Variants in TFDP1 observed in about 807,000 individuals in gnomAD.
TFDP1 encodes the protein DRTF1-polypeptide 1.
Under a neutral mutation model 48.0 loss-of-function variants are expected in TFDP1, and 6 were observed. The ratio of observed to expected loss-of-function variants is 0.13; its 90% CI spans 0.07 to 0.25. TFDP1 has a LOEUF of 0.25. TFDP1 is among the 10% of genes least tolerant of loss of function. The probability of loss-of-function intolerance (pLI) is 1.00; values close to 1 mark genes in which losing one functional copy is unlikely to be tolerated. For synonymous variants in TFDP1, 201 were observed against 211.6 expected (o/e 0.95, Z 0.44); for missense variants, 335 against 543.0 (o/e 0.62, Z 3.81).
chr13:113,624,664 GTC>G (rs1191255159), intron 4 of TFDP1, among the ~76,000 whole-genome samples: 2 of 143,158 alleles, frequency 1.4e-5, no homozygotes, highest in Non-Finnish European at 3.0e-5. Flanking sequence ...GTCCTCAGGT[GTC>G]TCTCAGGGTA....
At chr13:113,625,605 T>C (rs199648227) in intron 4 of TFDP1, among the ~76,000 whole-genome samples, 622 of 23,824 alleles carry the variant, frequency 0.026, 12 homozygotes, top group Admixed American at 0.045. Flanking sequence ...CTCACGTGTC[T>C]TCAGGCGTCT....
rs367853230 is a variant in TFDP1, at chr13:113,634,789, G to A, written c.687+187G>A. Among the ~76,000 whole-genome samples, 43 of 94,514 alleles carry A rather than the reference G, an allele frequency of 4.5e-4. 1 individual carries two copies. The highest frequency in any genetic ancestry group is 1.3e-3 in the African/African-American group (31 of 23,708). 62.0% of individuals were successfully genotyped at this position (94,514 alleles called of 152,430 possible). ...TTATTCCCAGAGCGAGGTTGTGCACGTGCGTGTGCATGCATGTGTGTGTGC... is the reference window on the plus strand; with the variant it reads ...TTATTCCCAGAGCGAGGTTGTGCACATGCGTGTGCATGCATGTGTGTGTGC... On this transcript the variant is annotated intron_variant, in intron 8 of 11. Transcript: ENST00000375370.
At chr13:113,631,532 C>T (rs2049336897) in intron 4 of TFDP1, 91 bp from the exon 5 acceptor site, 4 of 1,475,630 alleles carry the variant, frequency 2.7e-6, no homozygotes, top group South Asian at 2.8e-5. Flanking sequence ...GGAAATTCAG[C>T]AGTGGCTGCG....
Position 113,607,299 on chromosome 13 carries a change from G to C in TFDP1, c.13-3697G>C, listed in dbSNP as rs991831142. On this transcript the variant is annotated intron_variant, in intron 2 of 11. Coordinates refer to ENST00000375370, the MANE Select transcript of TFDP1 (RefSeq NM_007111.5). This position sits in a 1 kb window ranked among gnomAD's most constrained non-coding sequence, Gnocchi z 5.2. ...GAAAGGGGCCAGCCGTGAGCTGCGGGTGCTTGCCAGGGATCTGGTGACACC... is the reference window on the plus strand; with the variant it reads ...GAAAGGGGCCAGCCGTGAGCTGCGGCTGCTTGCCAGGGATCTGGTGACACC... Among the ~76,000 whole-genome samples, 1 of 152,262 alleles carries C rather than the reference G, an allele frequency of 6.6e-6. No homozygotes were observed. The highest frequency in any genetic ancestry group is 1.5e-5 in the Non-Finnish European group (1 of 68,038).
chr13:113,628,013 C>G (rs1219892187), intron 4 of TFDP1, among the ~76,000 whole-genome samples: 1 of 149,936 alleles, frequency 6.7e-6, no homozygotes, highest in East Asian at 2.0e-4. Context: ...ATGCTTCCAC[C>G]TGGAGCTGTT....
At chr13:113,632,998 G>C in intron 5 of TFDP1, 122 bp from the exon 6 acceptor site, 1 of 1,223,790 alleles carries the variant, frequency 8.2e-7, no homozygotes, top group Non-Finnish European at 1.1e-6. Flanking sequence ...GATCTGCTGC[G>C]CCCGTGGGAC....
intron 4 of TFDP1, among the ~76,000 whole-genome samples, chr13:113,625,799 C>T (rs1223469487): frequency 7.4e-6 from 1 of 134,412 alleles, no homozygotes; most frequent in African/African-American, 2.8e-5. Flanking sequence ...GCGTCTCTCA[C>T]GTGTCCTCAG....
intron 4 of TFDP1, among the ~76,000 whole-genome samples, chr13:113,628,119 G>A (rs1432244031): frequency 2.6e-5 from 4 of 151,636 alleles, no homozygotes; most frequent in Admixed American, 2.6e-4. Flanking sequence ...TGTAAAGACT[G>A]TGTCTGAAGC....
At chr13:113,626,059 ATGTCCTCAGGTGTCTCTCACG>A (rs2049168051) in intron 4 of TFDP1, among the ~76,000 whole-genome samples, 4 of 48,868 alleles carry the variant, frequency 8.2e-5, no homozygotes, top group African/African-American at 1.3e-4. Context: ...TGTCTCTCAC[ATGTCCTCAGGTGTCTCTCACG>A]TGTCCTCAGG....
chr13:113,621,909 C>T (rs1223493075), intron 3 of TFDP1, among the ~76,000 whole-genome samples: 7 of 152,322 alleles, frequency 4.6e-5, no homozygotes, highest in East Asian at 3.9e-4. Context: ...TCAGTGGTCA[C>T]GCTCCTAGTC....
At chr13:113,587,776 T>G (rs4150688) in intron 2 of TFDP1, among the ~76,000 whole-genome samples, 5,550 of 152,196 alleles carry the variant, frequency 0.036, 321 homozygotes, top group African/African-American at 0.12. Context: ...GCTAACTCTT[T>G]TAAGTAGAGG....
At chr13:113,618,888 AAT>A in intron 3 of TFDP1, among the ~76,000 whole-genome samples, 1 of 152,360 alleles carries the variant, frequency 6.6e-6, no homozygotes, top group South Asian at 2.1e-4. Context: ...CGAGCCATAT[AAT>A]ATTTGTCTGT....
rs771349925 is a variant in TFDP1 at position 113,634,582 on chromosome 13, C to G, written c.667C>G (p.Leu223Val). The G allele has an allele frequency of 1.2e-6, 2 of 1,612,724 alleles. No homozygotes were observed. The highest frequency in any genetic ancestry group is 2.2e-5 in the South Asian group (2 of 90,660). ...LERIKQKQSQ[L>V]QELILQQIAF... ...AAGAATAAAACAGAAACAGTCTCAA[C>G]TTCAAGAACTTATTCTACAGGTAAG... The change falls in exon 8 of 12, where the codon CTT becomes GTT. Residue 223 changes from leucine to valine, a missense_variant. Coordinates refer to ENST00000375370, the MANE Select transcript of TFDP1 (RefSeq NM_007111.5).
rs1049640227 is a variant in TFDP1, at chr13:113,627,646, G to A, written c.187-3977G>A. On this transcript the variant is annotated intron_variant, in intron 4 of 11. Coordinates refer to ENST00000375370, the MANE Select transcript of TFDP1 (RefSeq NM_007111.5). The surrounding 1 kb of genome is among the most constrained non-coding windows in gnomAD (Gnocchi z 4.1). ...TTAAATCAGGAGTCCCCAACCCCTG[G>A]GCCTGTTAGGAAGCTGGCCGCACAG... 1.3e-5 allele frequency among the ~76,000 whole-genome samples: 2 copies of A among 152,132 alleles called. No homozygotes were observed. Among genetic ancestry groups the A allele is most frequent in the African/African-American group, 4.8e-5 (2 of 41,408 alleles).
chr13:113,640,361 C>T lies in TFDP1; in HGVS notation c.*94C>T. 6.6e-7 allele frequency: 1 copy of T among 1,510,818 alleles called. No individual in the cohort carries two copies. Among genetic ancestry groups the T allele is most frequent in the East Asian group, 2.5e-5 (1 of 40,446 alleles). The allele number at this position is 1,510,818 out of a possible 1,614,324, so 93.6% of individuals were successfully genotyped here. ...GTTTTCTGTTTCCTTTTGGCCTACTCCCAAGAAGATATTGGTAAGCTATTG... is the reference window on the plus strand; with the variant it reads ...GTTTTCTGTTTCCTTTTGGCCTACTTCCAAGAAGATATTGGTAAGCTATTG... On this transcript the variant is annotated 3_prime_UTR_variant, in exon 12 of 12. Coordinates refer to ENST00000375370, the MANE Select transcript of TFDP1 (RefSeq NM_007111.5).
intron 8 of TFDP1, among the ~76,000 whole-genome samples, chr13:113,634,860 C>T (rs544765885): frequency 1.3e-4 from 20 of 148,908 alleles, no homozygotes; most frequent in African/African-American, 4.0e-4. Context: ...TGTGTGCGTG[C>T]GTGCGTGTGC....
intron 2 of TFDP1, among the ~76,000 whole-genome samples, chr13:113,604,954 C>T (rs1334019999): frequency 2.0e-5 from 3 of 152,172 alleles, no homozygotes; most frequent in African/African-American, 4.8e-5. Flanking sequence ...TGAGCAGCAG[C>T]GAGTCATGAA....
At chr13:113,634,323 T>A in intron 7 of TFDP1, 1 of 634,050 alleles carries the variant, frequency 1.6e-6, no homozygotes, top group Non-Finnish European at 2.8e-6. Context: ...ATCCAAGAAA[T>A]GAGAGGAAAG....
intron 9 of TFDP1, 123 bp from the exon 10 acceptor site, chr13:113,636,411 C>G (rs1460154753): frequency 4.3e-6 from 5 of 1,165,508 alleles, no homozygotes; most frequent in African/African-American, 1.5e-5. Context: ...TGAGGAGACA[C>G]TGATGACTGG....
Sources: allele counts gnomAD v4.1 joint callset (sites outside exome capture counted in the v4.1 genomes callset), GRCh38; gene constraint gnomAD v4.1.1; non-coding constraint Gnocchi (gnomAD v3.1); transcripts MANE v1.5; gene names NCBI Gene and HGNC (gene_info 2026-07-23, HGNC 2026-07-21).